Variants in PEX5L observed in about 807,000 individuals in gnomAD.
PEX5L encodes the protein PEX5-related protein.
PEX5L carries 30 observed loss-of-function variants against 84.0 expected under a neutral mutation model. The ratio of observed to expected loss-of-function variants is 0.36; its 90% CI spans 0.27 to 0.48. The LOEUF (loss-of-function observed/expected upper bound fraction) is 0.48. PEX5L is among the 20% of genes least tolerant of loss of function. The pLI, the probability that PEX5L is intolerant of heterozygous loss-of-function variation, is 0.99. For synonymous variants in PEX5L, 270 were observed against 283.1 expected, an observed-to-expected ratio of 0.95 and a Z score of 0.46; for missense variants, 533 against 754.6, an observed-to-expected ratio of 0.71 and a Z score of 3.44.
At chr3:179,942,362 G>T (rs945021552) in intron 2 of PEX5L, among the ~76,000 whole-genome samples, 3 of 152,188 alleles carry the variant, frequency 2.0e-5, no homozygotes, top group Non-Finnish European at 4.4e-5. Flanking sequence ...TCCCTCTCGC[G>T]GCTGTTCTGG....
intron 8 of PEX5L, among the ~76,000 whole-genome samples, chr3:179,858,450 T>TTC (rs776073632): frequency 3.9e-5 from 6 of 151,958 alleles, no homozygotes; most frequent in South Asian, 4.2e-4. Context: ...CTCTTCCCTT[T>TTC]TCTCTCTCTC....
chr3:179,961,264 C>G (rs1400509200), intron 2 of PEX5L, among the ~76,000 whole-genome samples: 1 of 150,352 alleles, frequency 6.7e-6, no homozygotes, highest in Non-Finnish European at 1.5e-5. Context: ...GAAGTGGTAC[C>G]CATTTCAACT....
At chr3:179,811,942 G>T in intron 10 of PEX5L, 71 bp from the exon 11 acceptor site, 2 of 1,191,784 alleles carry the variant, frequency 1.7e-6, no homozygotes, top group South Asian at 1.2e-5. Flanking sequence ...TTGGTTTGTT[G>T]ACCTGTGATG....
intron 8 of PEX5L, among the ~76,000 whole-genome samples, chr3:179,849,760 T>A (rs1330415921): frequency 2.0e-5 from 3 of 152,240 alleles, no homozygotes; most frequent in African/African-American, 4.8e-5. Flanking sequence ...TGTCTTTTCA[T>A]GTTCACTTTC....
intron 1 of PEX5L, among the ~76,000 whole-genome samples, chr3:179,972,789 G>T (rs539987556): frequency 6.7e-6 from 1 of 149,806 alleles, no homozygotes; most frequent in Non-Finnish European, 1.5e-5. Flanking sequence ...TTTTTTTCCC[G>T]CAAAAACATA....
At chr3:179,813,195 T>C (rs1724565573) in intron 10 of PEX5L, among the ~76,000 whole-genome samples, 1 of 152,158 alleles carries the variant, frequency 6.6e-6, no homozygotes, top group Non-Finnish European at 1.5e-5. Context: ...TTGGCCATGG[T>C]GTCATTTTCA....
intron 2 of PEX5L, among the ~76,000 whole-genome samples, chr3:179,953,935 G>C (rs906170041): frequency 3.3e-5 from 5 of 152,128 alleles, no homozygotes; most frequent in African/African-American, 4.8e-5. Flanking sequence ...CTAAAAGTTA[G>C]CAAGGTATTA....
chr3:179,820,053 A>G, intron 8 of PEX5L, 77 bp from the exon 9 acceptor site: 2 of 1,591,382 alleles, frequency 1.3e-6, no homozygotes, highest in South Asian at 1.1e-5. Context: ...CCCCCCTAAT[A>G]GATAAAAGAG....
intron 2 of PEX5L, among the ~76,000 whole-genome samples, chr3:179,901,138 G>T (rs1761180992): frequency 6.6e-6 from 1 of 152,188 alleles, no homozygotes; most frequent in Non-Finnish European, 1.5e-5. Context: ...CTGCAGGGCT[G>T]ATGACAATAT....
At chr3:179,802,530 C>G (rs1328675259) in intron 14 of PEX5L, among the ~76,000 whole-genome samples, 1 of 54,766 alleles carries the variant, frequency 1.8e-5, no homozygotes, top group Non-Finnish European at 3.3e-5. Flanking sequence ...GTGAGACTGT[C>G]TCAAAAAAAA....
At chr3:179,876,454 G>A (rs558834799) in intron 5 of PEX5L, among the ~76,000 whole-genome samples, 25 of 151,142 alleles carry the variant, frequency 1.7e-4, no homozygotes, top group African/African-American at 4.6e-4. Flanking sequence ...CCCAGATTGC[G>A]CCTCTGCACT....
At chr3:180,032,981 G>C (rs1791593783) in intron 1 of PEX5L, among the ~76,000 whole-genome samples, 1 of 152,146 alleles carries the variant, frequency 6.6e-6, no homozygotes, top group African/African-American at 2.4e-5. Context: ...CTACTGTTTA[G>C]GGTATTGAAA....
At chr3:179,890,297 T>C (rs949907831) in intron 3 of PEX5L, among the ~76,000 whole-genome samples, 4 of 152,198 alleles carry the variant, frequency 2.6e-5, no homozygotes, top group African/African-American at 4.8e-5. Context: ...CCATCAAATA[T>C]GGCACCACCC....
intron 1 of PEX5L, among the ~76,000 whole-genome samples, chr3:180,034,308 A>G (rs970430188): frequency 6.6e-6 from 1 of 152,204 alleles, no homozygotes; most frequent in Non-Finnish European, 1.5e-5. Context: ...GCTGGCAGAA[A>G]TGTTAGTAAA....
At chr3:179,875,275 A>G (rs536202862) in intron 6 of PEX5L, 79 bp downstream of exon 6, 1 of 1,379,946 alleles carries the variant, frequency 7.2e-7, no homozygotes, top group East Asian at 2.3e-5. Flanking sequence ...ATTTGGATTG[A>G]CTTAACTCTT....
At chr3:179,889,219 G>A (rs879731420) in intron 3 of PEX5L, among the ~76,000 whole-genome samples, 1 of 152,174 alleles carries the variant, frequency 6.6e-6, no homozygotes, top group Non-Finnish European at 1.5e-5. Context: ...CTCTGGCACA[G>A]TGTCAGCAGT....
At chr3:179,923,299 A>AC (rs1278910567) in intron 2 of PEX5L, among the ~76,000 whole-genome samples, 1 of 144,616 alleles carries the variant, frequency 6.9e-6, no homozygotes, top group East Asian at 2.3e-4. Flanking sequence ...TCAAAAAAAA[A>AC]AAAAAAAAAA....
chr3:179,895,924 A>C (rs1007597216), intron 3 of PEX5L, among the ~76,000 whole-genome samples: 3 of 152,180 alleles, frequency 2.0e-5, no homozygotes, highest in Non-Finnish European at 4.4e-5. Context: ...CATACCAGTG[A>C]TGAAGATGAA....
At chr3:179,813,007 A>G (rs1227539914) in intron 10 of PEX5L, among the ~76,000 whole-genome samples, 1 of 152,168 alleles carries the variant, frequency 6.6e-6, no homozygotes, top group Non-Finnish European at 1.5e-5. Flanking sequence ...AATTACATAT[A>G]CCTTATAAAC....
Sources: allele counts gnomAD v4.1 joint callset (sites outside exome capture counted in the v4.1 genomes callset), GRCh38; gene constraint gnomAD v4.1.1; transcripts MANE v1.5; gene names NCBI Gene and HGNC (gene_info 2026-07-23, HGNC 2026-07-21).